The following MYO1E variants were observed in gnomAD, a reference collection of about 807,000 sequenced individuals.
The protein encoded by MYO1E is myosin IE.
In MYO1E, 68 loss-of-function variants were observed where a neutral mutation model predicts 151.1. The ratio of observed to expected loss-of-function variants is 0.45; its 90% CI spans 0.37 to 0.55. MYO1E has a LOEUF of 0.55. Ranked by LOEUF, MYO1E falls within the 20% of genes least tolerant of loss-of-function variation. MYO1E has a pLI of 0.00. For missense variants in MYO1E, 1,363 were observed against 1,389.3 expected (o/e 0.98, Z 0.30); for synonymous variants, 601 against 501.7 (o/e 1.20, Z -2.64).
chr15:59,302,765 T>C (rs1021109382), intron 1 of MYO1E, among the ~76,000 whole-genome samples: 4 of 133,204 alleles, frequency 3.0e-5, no homozygotes, highest in Non-Finnish European at 6.0e-5. Context: ...TAATACATTA[T>C]AAACTCTGGA....
At chr15:59,283,615 G>T (rs1239920845) in intron 1 of MYO1E, among the ~76,000 whole-genome samples, 1 of 152,174 alleles carries the variant, frequency 6.6e-6, no homozygotes, top group African/African-American at 2.4e-5. Flanking sequence ...TTATTCTCAC[G>T]TAACAGCTAA....
chr15:59,206,196 G>T (rs1366455016), intron 14 of MYO1E, among the ~76,000 whole-genome samples: 1 of 152,150 alleles, frequency 6.6e-6, no homozygotes, highest in African/African-American at 2.4e-5. Context: ...TATACTACCA[G>T]TAGGCATGGG....
intron 15 of MYO1E, among the ~76,000 whole-genome samples, chr15:59,204,950 T>G (rs529758010): frequency 6.6e-6 from 1 of 152,090 alleles, no homozygotes; most frequent in South Asian, 2.1e-4. Flanking sequence ...TATTGAAAGG[T>G]AGAAAGCCTG....
In MYO1E at chr15:59,136,865, C is replaced by A. The variant is rs879179146; in HGVS notation, c.*515G>T. The A allele has an allele frequency of 8.6e-5, 37 of 429,894 alleles. No individual in the cohort carries two copies. The highest frequency in any genetic ancestry group is 6.0e-4 in the South Asian group (37 of 61,628). The allele number at this position is 429,894 out of a possible 1,614,324, so 26.6% of individuals were successfully genotyped here. On this transcript the variant is annotated 3_prime_UTR_variant, in exon 28 of 28. Transcript: ENST00000288235. ...TCAGCAGGCCAGCTTACCCTTGGCA[C>A]GTACATGGGAAGTGCCTGCTCACGC...
intron 1 of MYO1E, among the ~76,000 whole-genome samples, chr15:59,292,312 C>A (rs997284458): frequency 6.6e-5 from 10 of 152,208 alleles, no homozygotes; most frequent in African/African-American, 2.4e-4. Flanking sequence ...CCTTAATCCA[C>A]CTTTTCCTAC....
chr15:59,285,329 G>C (rs1293434077), intron 1 of MYO1E, among the ~76,000 whole-genome samples: 1 of 3,464 alleles, frequency 2.9e-4, no homozygotes, highest in African/African-American at 3.7e-4. Context: ...AACAGCCTGG[G>C]CAACACGCAA....
chr15:59,194,240 G>A (rs1389816224), intron 17 of MYO1E, among the ~76,000 whole-genome samples: 2 of 152,154 alleles, frequency 1.3e-5, no homozygotes, highest in East Asian at 3.9e-4. Flanking sequence ...ATAGTGGCCT[G>A]AAAAGATGGC....
chr15:59,173,212 ACTC>A (rs1349238489), intron 21 of MYO1E, among the ~76,000 whole-genome samples: 2 of 152,196 alleles, frequency 1.3e-5, no homozygotes, highest in South Asian at 2.1e-4. Flanking sequence ...CAACGATTTC[ACTC>A]CTATCAATTT....
chr15:59,216,075 C>G (rs2079912241), intron 10 of MYO1E, among the ~76,000 whole-genome samples: 1 of 152,184 alleles, frequency 6.6e-6, no homozygotes, highest in South Asian at 2.1e-4. Flanking sequence ...CTGCCTGACC[C>G]TACTCTAACC....
rs549693604 is a variant in MYO1E, at chr15:59,290,014, C to T, written c.4-17565G>A. ...GGGAACGGGCATCACTTTTCTTGAG[C>T]ACCAACCATGTTCCCAATGCTACGT... is the stretch of plus-strand genomic sequence containing the variant. On this transcript the variant is annotated intron_variant, in intron 1 of 27. Coordinates refer to ENST00000288235, the MANE Select transcript of MYO1E (RefSeq NM_004998.4). Among the ~76,000 whole-genome samples the T allele has an allele frequency of 4.6e-5, 7 of 152,342 alleles. No homozygotes were observed. The South Asian group carries it at 1.4e-3, about 32-fold the overall frequency.
Position 59,227,204 on chromosome 15 carries a change from C to A in MYO1E, c.642+255G>T, listed in dbSNP as rs2079997394. The stretch of plus-strand genomic sequence containing the variant: ...TTCCTTTGGCAAAGACTCCAACACT[C>A]CTCGTTTTGTTTTGAAGTTACATCA... On this transcript the variant is annotated intron_variant, in intron 7 of 27. Coordinates refer to ENST00000288235, the MANE Select transcript of MYO1E (RefSeq NM_004998.4). Among the ~76,000 whole-genome samples, 3 of 152,148 alleles carry A rather than the reference C, an allele frequency of 2.0e-5. No individual in the cohort carries two copies. The South Asian group carries it at 6.2e-4, about 31-fold the overall frequency.
chr15:59,168,140 C>G (rs2079572536), intron 22 of MYO1E, among the ~76,000 whole-genome samples: 2 of 152,200 alleles, frequency 1.3e-5, no homozygotes, highest in Middle Eastern at 3.4e-3. Flanking sequence ...TTAACCGTAA[C>G]TCAACTAGAC....
At chr15:59,308,290 C>T (rs1404804740) in intron 1 of MYO1E, among the ~76,000 whole-genome samples, 1 of 139,920 alleles carries the variant, frequency 7.1e-6, no homozygotes, top group Non-Finnish European at 1.5e-5. Context: ...AATCCCAGCA[C>T]TTTGGGAGGC....
intron 26 of MYO1E, among the ~76,000 whole-genome samples, chr15:59,151,889 T>TACAC (rs34550013): frequency 0.014 from 2,056 of 147,232 alleles, 30 homozygotes; most frequent in African/African-American, 0.028. Context: ...TCTACAAAAA[T>TACAC]ACACACACAC....
chr15:59,190,835 G>A (rs1407497085), intron 17 of MYO1E, among the ~76,000 whole-genome samples: 1 of 152,182 alleles, frequency 6.6e-6, no homozygotes, highest in Non-Finnish European at 1.5e-5. Flanking sequence ...AATAGAGAAG[G>A]AAGTGGATTT....
At chr15:59,343,981 A>G (rs2080780059) in intron 1 of MYO1E, among the ~76,000 whole-genome samples, 1 of 152,184 alleles carries the variant, frequency 6.6e-6, no homozygotes, top group South Asian at 2.1e-4. Context: ...GAAAGGTCCC[A>G]TATCTCTGTC....
intron 1 of MYO1E, among the ~76,000 whole-genome samples, chr15:59,333,553 C>T (rs1299648019): frequency 2.0e-5 from 3 of 152,110 alleles, no homozygotes; most frequent in African/African-American, 7.2e-5. Flanking sequence ...GAATCTAGTC[C>T]ATCTACTCAC....
intron 17 of MYO1E, among the ~76,000 whole-genome samples, chr15:59,189,736 G>A (rs151299944): frequency 5.3e-5 from 8 of 152,204 alleles, no homozygotes; most frequent in African/African-American, 1.9e-4. Flanking sequence ...CACCATGCCT[G>A]GGTAATTTTT....
chr15:59,371,734 G>T (rs990153417), intron 1 of MYO1E, among the ~76,000 whole-genome samples: 20 of 152,008 alleles, frequency 1.3e-4, no homozygotes, highest in Admixed American at 3.9e-4. Context: ...ATCCCCTCGC[G>T]CTTGGGAAGG....
Sources: allele counts gnomAD v4.1 joint callset (sites outside exome capture counted in the v4.1 genomes callset), GRCh38; gene constraint gnomAD v4.1.1; transcripts MANE v1.5; gene names NCBI Gene and HGNC (gene_info 2026-07-23, HGNC 2026-07-21).